ZFC3H1: variants seen among roughly 807,000 people sequenced by gnomAD.
ZFC3H1 encodes the protein zinc finger C3H1-type containing, also known as zinc finger C3H1 domain-containing protein.
A neutral mutation model predicts 243.7 loss-of-function variants in ZFC3H1; 71 were observed. The observed-to-expected ratio is 0.29, with a 90% CI of 0.24 to 0.36. The LOEUF (loss-of-function observed/expected upper bound fraction) is 0.36, where lower values mean the gene tolerates loss of function less well. Ranked by LOEUF, ZFC3H1 falls within the 10% of genes least tolerant of loss-of-function variation. ZFC3H1 has a pLI of 1.00. For missense variants in ZFC3H1, 1,966 were observed against 2,317.1 expected (o/e 0.85, Z 3.11); for synonymous variants, 838 against 813.0 (o/e 1.03, Z -0.52).
intron 3 of ZFC3H1, among the ~76,000 whole-genome samples, chr12:71,647,126 T>C (rs1380530393): frequency 6.6e-6 from 1 of 151,904 alleles, no homozygotes; most frequent in Non-Finnish European, 1.5e-5. Flanking sequence ...TTTCAATTTA[T>C]GCAAAAAAAC....
chr12:71,627,788 G>A lies in ZFC3H1; in HGVS notation c.4093C>T (p.Leu1365Phe), dbSNP rs767846469. 1 of 1,613,574 alleles carries A rather than the reference G, an allele frequency of 6.2e-7. No homozygotes were observed. Among genetic ancestry groups the A allele is most frequent in the South Asian group, 1.1e-5 (1 of 90,950 alleles). ...TTCAAGTACTTGTACGCAAGCTTGA[G>A]CCAAAGTTGTACATGAGAAGGATTT... ...LENPSHVQLW[L>F]KLAYKYLNQN... The change falls in exon 21 of 35, where the codon CTC (leucine) becomes TTC (phenylalanine). Residue 1365 changes from leucine (L) to phenylalanine (F), a missense_variant. Around this residue, in one of 4 missense-constraint regions of ZFC3H1, gnomAD observed 1,383 missense variants for 1,723.7 expected, o/e 0.80. Coordinates refer to ENST00000378743, the MANE Select transcript of ZFC3H1 (RefSeq NM_144982.5).
chr12:71,622,460 CT>C (rs1306496631), intron 24 of ZFC3H1, among the ~76,000 whole-genome samples: 17 of 149,296 alleles, frequency 1.1e-4, no homozygotes, highest in African/African-American at 2.7e-4. Flanking sequence ...ATCCTAGTCT[CT>C]TTTTTTTTTC....
intron 4 of ZFC3H1, among the ~76,000 whole-genome samples, chr12:71,644,634 C>T (rs1184613025): frequency 2.0e-5 from 3 of 151,912 alleles, no homozygotes; most frequent in Non-Finnish European, 1.5e-5. Context: ...TAGCCCAACA[C>T]CGCCAAACCC....
In ZFC3H1 at chr12:71,630,606, A is replaced by C; in HGVS notation, c.3718T>G (p.Ser1240Ala). 1.2e-6 allele frequency: 2 copies of C among 1,602,962 alleles called. No individual in the cohort carries two copies. Among genetic ancestry groups the C allele is most frequent in the Non-Finnish European group, 1.7e-6 (2 of 1,177,088 alleles). Reference protein sequence around the residue: ...ETSTNEEITASAEKYVEKLFG... With the variant: ...ETSTNEEITAAAEKYVEKLFG... Reference sequence around the variant, plus strand: ...ATAGGAAGTCTTTAAAAACCTGCTGAAGCAGTAATTTCTTCATTAGTACTT... The same window carrying C: ...ATAGGAAGTCTTTAAAAACCTGCTGCAGCAGTAATTTCTTCATTAGTACTT... Residue 1240 changes from serine to alanine, a missense_variant, in exon 18 of 35, where the codon TCA (serine) becomes GCA (alanine). Coordinates refer to ENST00000378743, the MANE Select transcript of ZFC3H1 (RefSeq NM_144982.5).
At chr12:71,634,584 A>G in intron 11 of ZFC3H1, 120 bp downstream of exon 11, 2 of 1,204,440 alleles carry the variant, frequency 1.7e-6, no homozygotes, top group Non-Finnish European at 2.3e-6. Flanking sequence ...GTTATAAAAC[A>G]TTAACTCTGT....
intron 31 of ZFC3H1, among the ~76,000 whole-genome samples, 181 bp from the exon 32 acceptor site, chr12:71,612,068 G>A (rs560747776): frequency 5.3e-5 from 8 of 152,176 alleles, no homozygotes; most frequent in Admixed American, 2.0e-4. Flanking sequence ...TGCAAACTAC[G>A]AAGAGGTCAA....
At chr12:71,631,379 C>T (rs549263073) in intron 16 of ZFC3H1, among the ~76,000 whole-genome samples, 27 of 152,132 alleles carry the variant, frequency 1.8e-4, no homozygotes, top group African/African-American at 6.3e-4. Flanking sequence ...AAATGGGGGA[C>T]CCACAAAGTT....
chr12:71,623,537 A>T lies in ZFC3H1; in HGVS notation c.4567T>A (p.Cys1523Ser). ...VAEYLKTSDR[C>S]LAWLAYIHLI... is the part of the protein sequence containing the mutation. ...TGTATGTAGGCCAACCATGCCAAAC[A>T]TCGATCACTGGTTTTAAGGTATTCA... Residue 1523 changes from cysteine to serine, a missense_variant, in exon 24 of 35, where the codon TGT (cysteine) becomes AGT (serine). Cys to Ser is a moderately radical substitution (Grantham distance 112, BLOSUM62 -1). Coordinates refer to ENST00000378743, the MANE Select transcript of ZFC3H1 (RefSeq NM_144982.5). The T allele has an allele frequency of 6.2e-7, 1 of 1,613,760 alleles. No individual in the cohort carries two copies. The highest frequency in any genetic ancestry group is 8.5e-7 in the Non-Finnish European group (1 of 1,179,838).
At chr12:71,628,579 C>T (rs1263291567) in intron 20 of ZFC3H1, among the ~76,000 whole-genome samples, 4 of 152,188 alleles carry the variant, frequency 2.6e-5, no homozygotes, top group African/African-American at 7.2e-5. Context: ...AACACCTGCC[C>T]TTAAGGAGGA....
chr12:71,652,107 A>G (rs1880902000), intron 2 of ZFC3H1, among the ~76,000 whole-genome samples: 1 of 152,206 alleles, frequency 6.6e-6, no homozygotes, highest in Admixed American at 6.5e-5. Context: ...TTGTCAAGAG[A>G]TATGGAAAAA....
chr12:71,644,326 T>TA lies in ZFC3H1; in HGVS notation c.1280-9dup, dbSNP rs760114325. On this transcript the variant is annotated splice_polypyrimidine_tract_variant and intron_variant, in intron 4 of 34. Coordinates refer to ENST00000378743, the MANE Select transcript of ZFC3H1 (RefSeq NM_144982.5). ...TCCTCAATGCTTGTTTAGCTTTAAA[T>TA]AAAAAACACATAAACATTAGCATCT... 21 of 1,609,234 alleles carry TA rather than the reference T, an allele frequency of 1.3e-5. No individual in the cohort carries two copies. In the African/African-American group the frequency reaches 2.0e-4, roughly 15 times the overall value.
chr12:71,627,779 C>G lies in ZFC3H1; in HGVS notation c.4102G>C (p.Ala1368Pro), dbSNP rs1880206722. 2 of 1,612,962 alleles carry G rather than the reference C, an allele frequency of 1.2e-6. No homozygotes were observed. The highest frequency in any genetic ancestry group is 1.7e-6 in the Non-Finnish European group (2 of 1,179,628). Residue 1368 changes from alanine (A) to proline (P), a missense_variant, in exon 21 of 35, where the codon GCG (alanine) becomes CCG (proline). Transcript: ENST00000378743. ...PSHVQLWLKL[A>P]YKYLNQNEGE... ...TCATTTTGATTCAAGTACTTGTACG[C>G]AAGCTTGAGCCAAAGTTGTACATGA...
chr12:71,624,443 GTAC>G (rs1880108163), intron 22 of ZFC3H1, 151 bp from the exon 23 acceptor site: 4 of 810,372 alleles, frequency 4.9e-6, no homozygotes, highest in Non-Finnish European at 7.5e-6. Flanking sequence ...CCATCTTCTA[GTAC>G]TACAACCTAG....
At chr12:71,650,476 A>G (rs997770328) in intron 2 of ZFC3H1, among the ~76,000 whole-genome samples, 2 of 152,122 alleles carry the variant, frequency 1.3e-5, no homozygotes, top group African/African-American at 4.8e-5. Context: ...CTTGTCACAC[A>G]GTATTTAAAA....
chr12:71,644,236 C>G lies in ZFC3H1; in HGVS notation c.1362G>C (p.Glu454Asp). ...QQKEQERQKE[E>D]DQRKQAEEEE... ...CTTCTTCAGCTTGTTTCCGCTGATC[C>G]TCTTCTTTCTGTCTTTCCTGCTCTT... Residue 454 changes from glutamate (E) to aspartate (D), a missense_variant, in exon 5 of 35, where the codon GAG becomes GAC. Physicochemically the swap from Glu to Asp is conservative, Grantham distance 45 (BLOSUM62 2). Around this residue, in one of 4 missense-constraint regions of ZFC3H1, gnomAD observed 91 missense variants for 107.6 expected, o/e 0.85. Coordinates refer to ENST00000378743, the MANE Select transcript of ZFC3H1 (RefSeq NM_144982.5). 6.2e-7 allele frequency: 1 copy of G among 1,612,456 alleles called. No homozygotes were observed. The highest frequency in any genetic ancestry group is 8.5e-7 in the Non-Finnish European group (1 of 1,179,158).
chr12:71,646,869 C>T (rs1194552582), intron 3 of ZFC3H1, among the ~76,000 whole-genome samples: 1 of 152,216 alleles, frequency 6.6e-6, no homozygotes, highest in African/African-American at 2.4e-5. Context: ...CAGAGCTAAG[C>T]TCGTTAGTTC....
chr12:71,626,154 A>ATT, intron 22 of ZFC3H1, 106 bp downstream of exon 22: 1 of 1,180,862 alleles, frequency 8.5e-7, no homozygotes, highest in Non-Finnish European at 1.2e-6. Flanking sequence ...ATATTCAGAT[A>ATT]AAGCATATGC....
In ZFC3H1 at chr12:71,634,284, A is replaced by G. The variant is rs1335917709; in HGVS notation, c.2381T>C (p.Ile794Thr). The change falls in exon 12 of 35, where the codon ATT becomes ACT. Residue 794 changes from isoleucine (I) to threonine (T), a missense_variant. Physicochemically the swap from Ile to Thr is moderately conservative, Grantham distance 89. Coordinates refer to ENST00000378743, the MANE Select transcript of ZFC3H1 (RefSeq NM_144982.5). ...EIANREKQRL[I>T]KSDQLKTSSS... is the part of the protein sequence containing the mutation. The stretch of plus-strand genomic sequence containing the variant: ...ACTTGTCTTCAGCTGATCTGATTTA[A>G]TCAAACGCTGTTTCTCACGGCTAAA... The G allele has an allele frequency of 6.2e-7, 1 of 1,613,280 alleles. No homozygotes were observed.
rs1352672111 is a variant in ZFC3H1, at chr12:71,627,930, G to C, written c.3951C>G (p.Phe1317Leu). 1 of 1,609,846 alleles carries C rather than the reference G, an allele frequency of 6.2e-7. No individual in the cohort carries two copies. The highest frequency in any genetic ancestry group is 2.2e-5 in the East Asian group (1 of 44,716). Residue 1317 changes from phenylalanine (F) to leucine (L), a missense_variant, in exon 21 of 35, where the codon TTC becomes TTG. Phe to Leu is a conservative substitution (Grantham distance 22). Around this residue, in one of 4 missense-constraint regions of ZFC3H1, gnomAD observed 1,383 missense variants for 1,723.7 expected, o/e 0.80. Transcript: ENST00000378743. ...GAACATTTATTTGGTTCTCTGGCTG[G>C]AAAGCTATTTAAAAAAAAAGTATTA... is the stretch of plus-strand genomic sequence containing the variant. ...EQSTGPIKYAFQPENQINVPA... is the reference protein window; with the variant it reads ...EQSTGPIKYALQPENQINVPA...
Sources: gnomAD v4.1 joint callset for allele counts (sites outside exome capture counted in the v4.1 genomes callset) on GRCh38, gnomAD v4.1.1 for gene constraint, gnomAD v4.1.1 regional missense constraint, MANE v1.5 for transcripts, NCBI Gene and HGNC (gene_info 2026-07-23, HGNC 2026-07-21) for gene names.